Variants in HYDIN observed in about 807,000 individuals in gnomAD.
The protein encoded by HYDIN is HYDIN axonemal central pair apparatus protein.
In HYDIN, 132 loss-of-function variants were observed where a neutral mutation model predicts 403.9. The observed-to-expected ratio is 0.33, with a 90% CI of 0.28 to 0.38. The LOEUF (loss-of-function observed/expected upper bound fraction) is 0.38. Among genes scored for constraint, HYDIN ranks in the 10% least tolerant of loss-of-function variants. The pLI is 1.00. For missense variants in HYDIN, 2,827 were observed against 5,009.5 expected, an observed-to-expected ratio of 0.56 and a Z score of 13.15; for synonymous variants, 1,202 against 1,891.7, an observed-to-expected ratio of 0.64 and a Z score of 9.46.
At chr16:71,179,168 G>C (rs558997199) in intron 3 of HYDIN, 121 bp from the exon 4 acceptor site, 323 of 667,348 alleles carry the variant, frequency 4.8e-4, no homozygotes, top group Non-Finnish European at 6.3e-4. Flanking sequence ...TATTCAAAAA[G>C]AAATCCATAC....
chr16:70,902,516 G>A, intron 52 of HYDIN, among the ~76,000 whole-genome samples: 1 of 148,154 alleles, frequency 6.7e-6, no homozygotes, highest in Admixed American at 6.7e-5. Context: ...CTACTCAGGA[G>A]GCTGAGGCAG....
chr16:70,907,963 TA>T (rs1489872449), intron 49 of HYDIN, among the ~76,000 whole-genome samples: 1 of 152,164 alleles, frequency 6.6e-6, no homozygotes, highest in Admixed American at 6.5e-5. Context: ...AGAACTGCTT[TA>T]AATTTGCTTA....
intron 40 of HYDIN, among the ~76,000 whole-genome samples, chr16:70,954,373 C>T (rs369653228): frequency 1.4e-4 from 17 of 124,544 alleles, no homozygotes; most frequent in Non-Finnish European, 2.0e-4. Context: ...GTGGGAGGAT[C>T]GCTTGAGCCC....
At chr16:71,007,180 T>C (rs1015133230) in intron 23 of HYDIN, among the ~76,000 whole-genome samples, 4 of 152,050 alleles carry the variant, frequency 2.6e-5, no homozygotes, top group Admixed American at 6.6e-5. Flanking sequence ...ACAGCTGCCA[T>C]GTAAATCAGC....
intron 6 of HYDIN, among the ~76,000 whole-genome samples, chr16:71,158,104 A>G (rs536213962): frequency 6.6e-6 from 1 of 152,310 alleles, no homozygotes; most frequent in East Asian, 1.9e-4. Context: ...AAGGCTCAGG[A>G]AGCCCCACAG....
chr16:71,039,413 G>A (rs2081208000), intron 18 of HYDIN, among the ~76,000 whole-genome samples: 1 of 152,118 alleles, frequency 6.6e-6, no homozygotes, highest in Non-Finnish European at 1.5e-5. Flanking sequence ...TCTAGAAAAG[G>A]GTGGGTCCCT....
intron 1 of HYDIN, among the ~76,000 whole-genome samples, chr16:71,225,289 G>T (rs2040983545): frequency 6.6e-6 from 1 of 152,140 alleles, no homozygotes; most frequent in African/African-American, 2.4e-5. Context: ...ACATTCCTAG[G>T]CACTGATAAA....
chr16:71,192,127 C>A (rs2144682088), intron 1 of HYDIN, among the ~76,000 whole-genome samples: 1 of 152,240 alleles, frequency 6.6e-6, no homozygotes, highest in East Asian at 1.9e-4. Flanking sequence ...AAGCATAGAG[C>A]CCGGAATAGA....
intron 4 of HYDIN, among the ~76,000 whole-genome samples, chr16:71,177,528 C>T (rs1195159301): frequency 2.6e-5 from 4 of 152,228 alleles, no homozygotes; most frequent in Admixed American, 2.6e-4. Flanking sequence ...CAGAGTCTGG[C>T]TTTGCTGTCA....
intron 58 of HYDIN, among the ~76,000 whole-genome samples, chr16:70,884,878 C>T (rs1323877587): frequency 6.6e-6 from 1 of 152,240 alleles, no homozygotes; most frequent in Non-Finnish European, 1.5e-5. Flanking sequence ...TCTCATCTTT[C>T]CTAGAACAGA....
chr16:70,956,309 A>G (rs1015548242), intron 39 of HYDIN, among the ~76,000 whole-genome samples: 3 of 152,212 alleles, frequency 2.0e-5, no homozygotes, highest in African/African-American at 7.2e-5. Flanking sequence ...GAGAAAAGAA[A>G]AAAAATCCAT....
chr16:71,105,556 A>T (rs60000742), intron 10 of HYDIN, among the ~76,000 whole-genome samples: 1 of 86,274 alleles, frequency 1.2e-5, no homozygotes, highest in East Asian at 2.9e-4. Context: ...TTTCCCTTTT[A>T]TGACTCACAG....
intron 23 of HYDIN, among the ~76,000 whole-genome samples, chr16:70,994,185 TTACATACCCTATTGCACAGGGTCTTA>T (rs2079450661): frequency 6.6e-6 from 1 of 151,950 alleles, no homozygotes. Flanking sequence ...TGTCCCCTCT[TTACATACCCTATTGCACAGGGTCTTA>T]TACATGCAGC....
rs1274867913 is a variant in HYDIN, at chr16:70,845,785, G to A, written c.12873+3941C>T. On this transcript the variant is annotated intron_variant, in intron 75 of 85. Transcript: ENST00000393567. ...TTAGTCTTGGGAGAGTGTATGTGTCGAGGAATTTATCCATTTCTTCTAGAT... is the reference window on the plus strand; with the variant it reads ...TTAGTCTTGGGAGAGTGTATGTGTCAAGGAATTTATCCATTTCTTCTAGAT... Among the ~76,000 whole-genome samples the A allele has an allele frequency of 2.4e-4, 32 of 136,026 alleles. 1 individual carries two copies. Among genetic ancestry groups the A allele is most frequent in the South Asian group, 1.3e-3 (6 of 4,672 alleles). The allele number at this position is 136,026 out of a possible 152,430, so 89.2% of individuals were successfully genotyped here. A position where few individuals can be genotyped will look rare whatever the true frequency, so the allele number is the denominator to read the frequency against.
intron 9 of HYDIN, among the ~76,000 whole-genome samples, chr16:71,125,490 C>T (rs1213462873): frequency 6.6e-6 from 1 of 152,194 alleles, no homozygotes; most frequent in African/African-American, 2.4e-5. Context: ...ATTGGAGAGT[C>T]AGCATTTGTA....
At chr16:71,206,559 GT>G (rs2088310915) in intron 1 of HYDIN, among the ~76,000 whole-genome samples, 2 of 152,142 alleles carry the variant, frequency 1.3e-5, no homozygotes, top group Non-Finnish European at 2.9e-5. Flanking sequence ...TCCAGCAAGG[GT>G]TCTTAACCAG....
intron 13 of HYDIN, among the ~76,000 whole-genome samples, chr16:71,078,448 A>G (rs1015462336): frequency 7.9e-5 from 12 of 152,054 alleles, no homozygotes; most frequent in Non-Finnish European, 5.9e-5. Flanking sequence ...ACTGCCTTAA[A>G]TATCTGCAAT....
At chr16:71,066,277 A>G (rs954594906) in intron 15 of HYDIN, among the ~76,000 whole-genome samples, 11 of 152,204 alleles carry the variant, frequency 7.2e-5, no homozygotes, top group Non-Finnish European at 1.2e-4. Flanking sequence ...AAACAAAGGA[A>G]AAAATAGGTC....
chr16:71,010,409 C>T (rs2080042482), intron 23 of HYDIN, among the ~76,000 whole-genome samples: 1 of 152,164 alleles, frequency 6.6e-6, no homozygotes, highest in South Asian at 2.1e-4. Flanking sequence ...GAGACCTCCC[C>T]ACCTCCTGAA....
Sources: gnomAD v4.1 joint callset for allele counts (sites outside exome capture counted in the v4.1 genomes callset) on GRCh38, gnomAD v4.1.1 for gene constraint, MANE v1.5 for transcripts, NCBI Gene and HGNC (gene_info 2026-07-23, HGNC 2026-07-21) for gene names.